TRMT44: variants seen among roughly 807,000 people sequenced by gnomAD.
TRMT44 encodes the protein probable tRNA (uracil-O(2)-)-methyltransferase.
TRMT44 carries 78 observed loss-of-function variants against 77.3 expected under a neutral mutation model. The observed-to-expected ratio is 1.01, with a 90% CI of 0.84 to 1.22. The LOEUF (loss-of-function observed/expected upper bound fraction) is 1.22, where lower values mean the gene tolerates loss of function less well. TRMT44 is among the 50% of genes most tolerant of loss of function. TRMT44 has a pLI of 0.00. For synonymous variants in TRMT44, 391 were observed against 383.3 expected (o/e 1.02, Z -0.23); for missense variants, 1,090 against 964.4 (o/e 1.13, Z -1.73).
chr4:8,454,817 C>A lies in TRMT44; in HGVS notation c.1203+4C>A. The A allele has an allele frequency of 1.2e-6, 2 of 1,614,064 alleles. No homozygotes were observed. On this transcript the variant is annotated splice_donor_region_variant and intron_variant, in intron 6 of 10. Transcript: ENST00000389737. Reference sequence around the variant, plus strand: ...TGGACCACAAACTCAGTTAGAGGTACCGTCTTTATTACGCATGCCCTTGAT... The same window carrying A: ...TGGACCACAAACTCAGTTAGAGGTAACGTCTTTATTACGCATGCCCTTGAT...
intron 1 of TRMT44, 24 bp downstream of exon 1, chr4:8,441,465 G>C (rs577277873): frequency 1.4e-6 from 2 of 1,460,056 alleles, no homozygotes; most frequent in East Asian, 2.5e-5. Flanking sequence ...GATAGTGGAC[G>C]GATATGATTA....
chr4:8,447,026 C>T (rs764406497), intron 2 of TRMT44, among the ~76,000 whole-genome samples: 1 of 152,190 alleles, frequency 6.6e-6, no homozygotes, highest in Admixed American at 6.5e-5. Flanking sequence ...CAGGCACCCA[C>T]CACCACACCC....
At position 8,441,079 on chromosome 4, in the gene TRMT44, G is replaced by T; in HGVS notation, c.257G>T (p.Arg86Met). 6.7e-7 allele frequency: 1 copy of T among 1,492,994 alleles called. No homozygotes were observed. Among genetic ancestry groups the T allele is most frequent in the South Asian group, 1.3e-5 (1 of 77,314 alleles). The allele number at this position is 1,492,994 out of a possible 1,614,324, so 92.5% of individuals were successfully genotyped here. Residue 86 changes from arginine to methionine, a missense_variant, in exon 1 of 11, where the codon AGG becomes ATG. By Grantham distance (91) the Arg-to-Met change is moderately conservative. Transcript: ENST00000389737. ...QGSPGGGPGPRSLSGPEQGTA... is the reference protein window; with the variant it reads ...QGSPGGGPGPMSLSGPEQGTA... ...TCCCCCGGAGGGGGCCCGGGTCCCA[G>T]GTCGCTATCAGGACCCGAGCAGGGC...
chr4:8,495,947 A>G (rs1162235112), downstream of TRMT44, among the ~76,000 whole-genome samples: 1 of 152,184 alleles, frequency 6.6e-6, no homozygotes, highest in Non-Finnish European at 1.5e-5. Context: ...GGGCCTATTC[A>G]TTCTGATTGT....
At chr4:8,502,815 C>T in the TRMT44 span, among the ~76,000 whole-genome samples, 1 of 152,230 alleles carries the variant, frequency 6.6e-6, no homozygotes, top group African/African-American at 2.4e-5. Context: ...CTCCCAGATC[C>T]CGCTTACACT....
the TRMT44 span, among the ~76,000 whole-genome samples, chr4:8,503,767 G>A: frequency 1.3e-5 from 2 of 152,222 alleles, no homozygotes; most frequent in African/African-American, 4.8e-5. Context: ...TCCCAGTTCT[G>A]TCCTATGTCC....
intron 1 of TRMT44, among the ~76,000 whole-genome samples, chr4:8,445,422 C>T (rs1281246917): frequency 6.6e-6 from 1 of 152,234 alleles, no homozygotes; most frequent in East Asian, 1.9e-4. Flanking sequence ...CCTGGGTGGG[C>T]CCTGTTACCC....
intron 2 of TRMT44, among the ~76,000 whole-genome samples, chr4:8,489,848 G>T (rs771221452): frequency 4.6e-5 from 7 of 152,186 alleles, no homozygotes; most frequent in Non-Finnish European, 7.3e-5. Flanking sequence ...ATGGAAGGCC[G>T]TCAGACTGGG....
intron 3 of TRMT44, 61 bp downstream of exon 3, chr4:8,449,949 CTTTT>C (rs745915221): frequency 3.0e-3 from 724 of 237,754 alleles, no homozygotes; most frequent in South Asian, 4.3e-3. Context: ...CTTTTCTTTT[CTTTT>C]TTTTTTTTTT....
the TRMT44 span, among the ~76,000 whole-genome samples, chr4:8,498,930 C>T: frequency 2.0e-5 from 3 of 152,086 alleles, no homozygotes; most frequent in African/African-American, 7.2e-5. The surrounding 1 kb of genome is among the most constrained non-coding windows in gnomAD (Gnocchi z 4.3). Flanking sequence ...GTCCAGTTGC[C>T]CAGAGGAGGT....
chr4:8,451,783 T>G lies in TRMT44; in HGVS notation c.955-177T>G, dbSNP rs1725468055. On this transcript the variant is annotated intron_variant, in intron 3 of 10. Coordinates refer to ENST00000389737, the MANE Select transcript of TRMT44 (RefSeq NM_152544.3). This position sits in a 1 kb window ranked among gnomAD's most constrained non-coding sequence, Gnocchi z 4.1. Reference sequence around the variant, plus strand: ...ATTGTTCTTGGCATGCCTTGTTTCTTTATGTAAATCTTTTATTGTAAGAAA... The same window carrying G: ...ATTGTTCTTGGCATGCCTTGTTTCTGTATGTAAATCTTTTATTGTAAGAAA... Among the ~76,000 whole-genome samples, 1 of 152,222 alleles carries G rather than the reference T, an allele frequency of 6.6e-6. No homozygotes were observed. Among genetic ancestry groups the G allele is most frequent in the African/African-American group, 2.4e-5 (1 of 41,456 alleles).
intron 6 of TRMT44, among the ~76,000 whole-genome samples, chr4:8,458,047 G>C (rs1725920817): frequency 6.6e-6 from 1 of 151,656 alleles, no homozygotes; most frequent in Non-Finnish European, 1.5e-5. Context: ...ATATGTAAAA[G>C]AGACAGTGCC....
intron 6 of TRMT44, among the ~76,000 whole-genome samples, chr4:8,456,098 A>G (rs550825705): frequency 2.0e-5 from 3 of 152,354 alleles, no homozygotes; most frequent in Admixed American, 1.3e-4. Flanking sequence ...TTCTCTGTCA[A>G]GAGAAACGCA....
rs73211366 is a variant in TRMT44, at chr4:8,449,191, T to C, written c.735-478T>C. Among the ~76,000 whole-genome samples, 1,278 of 152,332 alleles carry C rather than the reference T, an allele frequency of 8.4e-3. 5 individuals are homozygous for C. Among genetic ancestry groups the C allele is most frequent in the South Asian group, 0.033 (160 of 4,826 alleles). On this transcript the variant is annotated intron_variant, in intron 2 of 10. Transcript: ENST00000389737. ...CCCCCCACTGTCATGAACCTTCTGA[T>C]GGCAGAAGACATGTGAAAGACAAAA...
At chr4:8,458,703 C>T (rs1342386880) in intron 6 of TRMT44, among the ~76,000 whole-genome samples, 1 of 152,022 alleles carries the variant, frequency 6.6e-6, no homozygotes, top group African/African-American at 2.4e-5. Flanking sequence ...GATCCACCCA[C>T]CTCGGCCTCC....
At chr4:8,456,158 C>G (rs1296481035) in intron 6 of TRMT44, among the ~76,000 whole-genome samples, 1 of 152,178 alleles carries the variant, frequency 6.6e-6, no homozygotes, top group Non-Finnish European at 1.5e-5. Context: ...TAACTGTAGT[C>G]CATTCAGTGC....
At chr4:8,498,352 A>G (rs1023104321), downstream of TRMT44, among the ~76,000 whole-genome samples, 2 of 152,146 alleles carry the variant, frequency 1.3e-5, no homozygotes, top group African/African-American at 4.8e-5. This position sits in a 1 kb window ranked among gnomAD's most constrained non-coding sequence, Gnocchi z 4.3. Flanking sequence ...TCAAATCACT[A>G]TAAAGAAATA....
intron 6 of TRMT44, among the ~76,000 whole-genome samples, chr4:8,458,120 T>G (rs1185763395): frequency 6.6e-6 from 1 of 152,246 alleles, no homozygotes; most frequent in East Asian, 1.9e-4. Flanking sequence ...GCATTTGACT[T>G]CTTTTATGCC....
chr4:8,455,662 GC>G (rs1279009488), intron 6 of TRMT44, among the ~76,000 whole-genome samples: 1 of 152,076 alleles, frequency 6.6e-6, no homozygotes, highest in Non-Finnish European at 1.5e-5. Flanking sequence ...TTTGACCCTG[GC>G]TGCTTCTGCT....
Sources: allele counts gnomAD v4.1 joint callset (sites outside exome capture counted in the v4.1 genomes callset), GRCh38; gene constraint gnomAD v4.1.1; non-coding constraint Gnocchi (gnomAD v3.1); transcripts MANE v1.5; gene names NCBI Gene and HGNC (gene_info 2026-07-23, HGNC 2026-07-21).